FBXL17: variants seen among roughly 807,000 people sequenced by gnomAD.
The protein encoded by FBXL17 is F-box and leucine rich repeat protein 17.
Under a neutral mutation model 66.2 loss-of-function variants are expected in FBXL17, and 22 were observed. That is an observed-to-expected ratio of 0.33 (90% CI 0.24 to 0.47). FBXL17 has a LOEUF of 0.47. FBXL17 is among the 20% of genes least tolerant of loss of function. The pLI, the probability that FBXL17 is intolerant of heterozygous loss-of-function variation, is 1.00. For synonymous variants in FBXL17, 474 were observed against 400.5 expected, an observed-to-expected ratio of 1.18 and a Z score of -2.19; for missense variants, 878 against 948.2, an observed-to-expected ratio of 0.93 and a Z score of 0.97.
At chr5:108,345,329 T>TC (rs1334451739) in intron 4 of FBXL17, among the ~76,000 whole-genome samples, 2 of 149,706 alleles carry the variant, frequency 1.3e-5, no homozygotes, top group Admixed American at 1.3e-4. Context: ...AGAGCAAAAC[T>TC]CCATCTCAAA....
At chr5:108,136,554 T>G (rs1041353708) in intron 6 of FBXL17, among the ~76,000 whole-genome samples, 1 of 152,184 alleles carries the variant, frequency 6.6e-6, no homozygotes, top group South Asian at 2.1e-4. Context: ...AATAGCTGAA[T>G]AGCTTCTGCA....
intron 4 of FBXL17, among the ~76,000 whole-genome samples, chr5:108,255,335 T>A (rs939173668): frequency 6.6e-6 from 1 of 152,294 alleles, no homozygotes; most frequent in African/African-American, 2.4e-5. Flanking sequence ...TGGTTGTTCC[T>A]ATCTTATCTT....
At chr5:108,285,921 C>T (rs1757881842) in intron 4 of FBXL17, among the ~76,000 whole-genome samples, 1 of 151,850 alleles carries the variant, frequency 6.6e-6, no homozygotes, top group African/African-American at 2.4e-5. Context: ...TATCCAGCAG[C>T]TTATCAAAAA....
chr5:107,896,714 T>C (rs1749395625), intron 7 of FBXL17, among the ~76,000 whole-genome samples: 1 of 152,202 alleles, frequency 6.6e-6, no homozygotes, highest in African/African-American at 2.4e-5. Context: ...AATTGCTTGA[T>C]ACATACTATA....
intron 8 of FBXL17, among the ~76,000 whole-genome samples, chr5:107,873,749 T>A (rs543999404): frequency 1.1e-4 from 17 of 152,320 alleles, no homozygotes; most frequent in African/African-American, 4.1e-4. Flanking sequence ...GATCCTACAA[T>A]CTAATTCTCT....
At chr5:108,002,210 A>C (rs1211841343) in intron 7 of FBXL17, among the ~76,000 whole-genome samples, 3 of 107,406 alleles carry the variant, frequency 2.8e-5, no homozygotes, top group Non-Finnish European at 4.6e-5. Context: ...TTTTTAGTAG[A>C]GACGGGGTTT....
At chr5:108,037,631 G>C (rs959685994) in intron 6 of FBXL17, among the ~76,000 whole-genome samples, 2 of 152,160 alleles carry the variant, frequency 1.3e-5, no homozygotes, top group African/African-American at 4.8e-5. Context: ...TCAGCAGTCT[G>C]AGTTCCCAGG....
intron 6 of FBXL17, among the ~76,000 whole-genome samples, chr5:108,172,239 G>T (rs956440022): frequency 2.0e-5 from 3 of 152,126 alleles, no homozygotes; most frequent in African/African-American, 7.2e-5. Flanking sequence ...CATGTTGGTG[G>T]CAGTATTCCA....
At chr5:108,163,175 C>T (rs777297639) in intron 6 of FBXL17, among the ~76,000 whole-genome samples, 5 of 151,988 alleles carry the variant, frequency 3.3e-5, no homozygotes, top group East Asian at 3.9e-4. Flanking sequence ...ACAGTTACAA[C>T]GAAAGAGGTT....
chr5:108,023,782 T>C (rs540287326), intron 6 of FBXL17, among the ~76,000 whole-genome samples: 1 of 152,090 alleles, frequency 6.6e-6, no homozygotes, highest in Non-Finnish European at 1.5e-5. Context: ...AACAAAGTCA[T>C]AAATCTTAGT....
intron 6 of FBXL17, among the ~76,000 whole-genome samples, chr5:108,165,126 T>C (rs1048472198): frequency 3.3e-5 from 5 of 152,196 alleles, no homozygotes; most frequent in African/African-American, 1.2e-4. Context: ...AAATTGGAAA[T>C]AGTCAGAATG....
chr5:108,205,399 CAAT>C (rs758378127), intron 5 of FBXL17, among the ~76,000 whole-genome samples: 4 of 152,098 alleles, frequency 2.6e-5, no homozygotes, highest in African/African-American at 7.2e-5. Flanking sequence ...ACAAAACTAA[CAAT>C]AATACTTTGT....
intron 6 of FBXL17, among the ~76,000 whole-genome samples, chr5:108,157,505 T>C (rs553020781): frequency 2.8e-4 from 43 of 151,818 alleles, no homozygotes; most frequent in Non-Finnish European, 3.1e-4. Context: ...CAAAAGATCA[T>C]GTTTGCTGTA....
At chr5:108,118,847 G>T (rs1196326758) in intron 6 of FBXL17, among the ~76,000 whole-genome samples, 2 of 152,060 alleles carry the variant, frequency 1.3e-5, no homozygotes, top group African/African-American at 4.8e-5. Flanking sequence ...TGATCCTTCA[G>T]ATCTATTTTA....
chr5:108,020,967 G>A lies in FBXL17; in HGVS notation c.1780C>T (p.Leu594=), dbSNP rs757132517. ...CAGGACACCAAATATAGCTCTTTCA[G>A]GTTTTGTCCTTCCTTTGCAATGACC... ...VEVIAKEGQN[L]KELYLVSCKI... The change falls in exon 7 of 9, where the codon CTG becomes TTG. Residue 594 remains leucine, a synonymous_variant. Transcript: ENST00000542267. The A allele has an allele frequency of 2.9e-5, 46 of 1,610,748 alleles. 1 individual carries two copies. In the South Asian group the frequency reaches 4.7e-4, roughly 17 times the overall value.
chr5:108,133,808 A>T (rs1351137043), intron 6 of FBXL17, among the ~76,000 whole-genome samples: 1 of 152,174 alleles, frequency 6.6e-6, no homozygotes, highest in East Asian at 1.9e-4. Flanking sequence ...ATGTATTTTA[A>T]TTTTTATGCT....
At chr5:108,066,358 T>A (rs1748117623) in intron 6 of FBXL17, among the ~76,000 whole-genome samples, 1 of 152,138 alleles carries the variant, frequency 6.6e-6, no homozygotes, top group Non-Finnish European at 1.5e-5. Context: ...GCATTGTATC[T>A]TTTTTGACAT....
At chr5:108,219,428 G>A (rs530791279) in intron 5 of FBXL17, among the ~76,000 whole-genome samples, 32 of 152,302 alleles carry the variant, frequency 2.1e-4, no homozygotes, top group African/African-American at 7.7e-4. Flanking sequence ...GCTCACGCCT[G>A]TAATCTCAGC....
Position 107,859,117 on chromosome 5 carries a change from T to C in FBXL17, c.*2603A>G, listed in dbSNP as rs966156014. The C allele has an allele frequency of 2.6e-5, 4 of 152,198 alleles. No individual in the cohort carries two copies. Among genetic ancestry groups the C allele is most frequent in the African/African-American group, 9.7e-5 (4 of 41,448 alleles). 9.4% of individuals were successfully genotyped at this position (152,198 alleles called of 1,614,324 possible). Reference sequence around the variant, plus strand: ...AACTACAAACCGGGTGAATTTTCTTTATCCACTCAAAAAGACATTAAAGAC... The same window carrying C: ...AACTACAAACCGGGTGAATTTTCTTCATCCACTCAAAAAGACATTAAAGAC... On this transcript the variant is annotated 3_prime_UTR_variant, in exon 9 of 9. Transcript: ENST00000542267.
Sources: allele counts gnomAD v4.1 joint callset (sites outside exome capture counted in the v4.1 genomes callset), GRCh38; gene constraint gnomAD v4.1.1; transcripts MANE v1.5; gene names NCBI Gene and HGNC (gene_info 2026-07-23, HGNC 2026-07-21).